Variants in CETP observed in about 807,000 individuals in gnomAD.
The protein encoded by CETP is BPI fold containing family F.
In CETP, 56 loss-of-function variants were observed where a neutral mutation model predicts 66.5. That is an observed-to-expected ratio of 0.84 (90% CI 0.68 to 1.05). The LOEUF (loss-of-function observed/expected upper bound fraction) is 1.05, where lower values mean the gene tolerates loss of function less well. Ranked by LOEUF, CETP falls within the 50% of genes least tolerant of loss-of-function variation. The pLI is 0.00. For missense variants in CETP, 612 were observed against 609.6 expected, an observed-to-expected ratio of 1.00 and a Z score of -0.04; for synonymous variants, 251 against 245.7, an observed-to-expected ratio of 1.02 and a Z score of -0.20.
chr16:56,977,948 G>T (rs1425182264), intron 10 of CETP, 143 bp from the exon 11 acceptor site: 1 of 875,462 alleles, frequency 1.1e-6, no homozygotes, highest in Admixed American at 2.7e-5. Flanking sequence ...GCACAGCCTG[G>T]GGCCTGGGCA....
Position 56,983,383 on chromosome 16 carries a change from T to G in CETP, c.1379T>G (p.Ile460Ser). 6.2e-7 allele frequency: 1 copy of G among 1,614,208 alleles called. No individual in the cohort carries two copies. Among genetic ancestry groups the G allele is most frequent in the Non-Finnish European group, 8.5e-7 (1 of 1,180,040 alleles). ...MNSKGVSLFD[I>S]INPEIITRDG... is the part of the protein sequence containing the mutation. ...AGCAAAGGCGTGAGCCTCTTCGACATCATCAACCCTGAGATTATCACTCGA... is the reference window on the plus strand; with the variant it reads ...AGCAAAGGCGTGAGCCTCTTCGACAGCATCAACCCTGAGATTATCACTCGA... Residue 460 changes from isoleucine (I) to serine (S), a missense_variant, in exon 15 of 16, where the codon ATC becomes AGC. Ile to Ser is a moderately radical substitution (Grantham distance 142, BLOSUM62 -2). Transcript: ENST00000200676.
chr16:56,965,318 T>C (rs1036473243), intron 2 of CETP, among the ~76,000 whole-genome samples: 5 of 152,224 alleles, frequency 3.3e-5, no homozygotes, highest in African/African-American at 1.2e-4. Context: ...CTATGATTGG[T>C]CATGATTAAT....
At position 56,972,057 on chromosome 16, in the gene CETP, G is replaced by A. The variant is rs1404536887; in HGVS notation, c.724G>A (p.Ala242Thr). Residue 242 changes from alanine (A) to threonine (T), a missense_variant, in exon 8 of 16, where the codon GCC (alanine) becomes ACC (threonine). Ala to Thr is a moderately conservative substitution (Grantham distance 58). Coordinates refer to ENST00000200676, the MANE Select transcript of CETP (RefSeq NM_000078.3). ...ISLTGDPVIT[A>T]SYLESHHKGH... The stretch of plus-strand genomic sequence containing the variant: ...CCTGACAGGTGATCCCGTCATCACA[G>A]CCTCCTACCTGGAGTCCCATCACAA... The A allele has an allele frequency of 6.2e-7, 1 of 1,613,974 alleles. No individual in the cohort carries two copies. Among genetic ancestry groups the A allele is most frequent in the African/African-American group, 1.3e-5 (1 of 74,924 alleles).
chr16:56,969,750 G>T lies in CETP; in HGVS notation c.439+69G>T. On this transcript the variant is annotated intron_variant, in intron 4 of 15. Transcript: ENST00000200676. The stretch of plus-strand genomic sequence containing the variant: ...GGGCTTGGCCTCAGCAGAGGGGGAG[G>T]TTGTGCAGGCAGAGGGTTCTGGGGC... The T allele has an allele frequency of 2.5e-6, 4 of 1,590,608 alleles. No individual in the cohort carries two copies. In the Admixed American group the frequency reaches 5.1e-5, roughly 20 times the overall value.
Position 56,978,174 on chromosome 16 carries a change from C to A in CETP, c.1065C>A (p.Val355=). ...MPKISCQNKG[V]VVNSSVMVKF... is the part of the protein sequence containing the mutation. ...AGATCTCCTGCCAAAACAAGGGAGT[C>A]GTGGTCAATTCTTCAGTGATGGTGA... The change falls in exon 11 of 16, where the codon GTC becomes GTA. Residue 355 remains valine (V), a synonymous_variant. Transcript: ENST00000200676. The A allele has an allele frequency of 6.2e-7, 1 of 1,614,232 alleles. No homozygotes were observed. Among genetic ancestry groups the A allele is most frequent in the Non-Finnish European group, 8.5e-7 (1 of 1,180,042 alleles).
intron 11 of CETP, 52 bp from the exon 12 acceptor site, chr16:56,981,106 C>T (rs2056183854): frequency 2.2e-6 from 3 of 1,383,516 alleles, no homozygotes; most frequent in East Asian, 4.6e-5. Flanking sequence ...GAGGGTTGCT[C>T]TCTGCTTCGG....
intron 2 of CETP, among the ~76,000 whole-genome samples, chr16:56,969,130 C>T (rs1163852945): frequency 6.6e-6 from 1 of 152,000 alleles, no homozygotes. Flanking sequence ...TTGGGACCAC[C>T]CAGATAACCT....
At chr16:56,980,621 T>G (rs563434241) in intron 11 of CETP, among the ~76,000 whole-genome samples, 94 of 152,260 alleles carry the variant, frequency 6.2e-4, no homozygotes, top group African/African-American at 2.1e-3. Flanking sequence ...ATTGAGCATT[T>G]GTTAAAAAAA....
At position 56,969,534 on chromosome 16, in the gene CETP, T is replaced by C; in HGVS notation, c.368+14T>C. The stretch of plus-strand genomic sequence containing the variant: ...CACTGCCTGGTGGTAAGCATTCCTG[T>C]CAGCTGATGCCCCATGCCCTGGCCC... On this transcript the variant is annotated intron_variant, in intron 3 of 15. Coordinates refer to ENST00000200676, the MANE Select transcript of CETP (RefSeq NM_000078.3). 1.2e-6 allele frequency: 2 copies of C among 1,614,236 alleles called. No individual in the cohort carries two copies. Among genetic ancestry groups the C allele is most frequent in the Non-Finnish European group, 1.7e-6 (2 of 1,180,038 alleles).
intron 9 of CETP, among the ~76,000 whole-genome samples, chr16:56,974,721 C>A (rs2056137374): frequency 6.6e-6 from 1 of 152,218 alleles, no homozygotes; most frequent in African/African-American, 2.4e-5. Context: ...AGGTGACTTA[C>A]TGAAGATCAC....
rs779930161 is a variant in CETP at position 56,973,411 on chromosome 16, G to A, written c.831G>A (p.Met277Ile). 1.2e-6 allele frequency: 2 copies of A among 1,614,224 alleles called. No homozygotes were observed. Among genetic ancestry groups the A allele is most frequent in the African/African-American group, 1.3e-5 (1 of 75,054 alleles). The change falls in exon 9 of 16, where the codon ATG becomes ATA. Residue 277 changes from methionine to isoleucine, a missense_variant. Physicochemically the swap from Met to Ile is conservative, Grantham distance 10. Coordinates refer to ENST00000200676, the MANE Select transcript of CETP (RefSeq NM_000078.3). The stretch of plus-strand genomic sequence containing the variant: ...CCACACTGCTGGGGGACTCCCGCAT[G>A]CTGTACTTCTGGTTCTCTGAGCGAG... ...FSPTLLGDSR[M>I]LYFWFSERVF...
At chr16:56,981,535 C>T in intron 12 of CETP, 112 bp from the exon 13 acceptor site, 1 of 1,278,568 alleles carries the variant, frequency 7.8e-7, no homozygotes, top group Non-Finnish European at 1.1e-6. Flanking sequence ...CCCCAAAGGG[C>T]CTGAGCTATG....
intron 10 of CETP, among the ~76,000 whole-genome samples, chr16:56,977,103 G>T (rs1325327547): frequency 6.6e-6 from 1 of 151,918 alleles, no homozygotes; most frequent in African/African-American, 2.4e-5. Context: ...TAGAGACGGG[G>T]TTTCACCATG....
chr16:56,966,255 TC>T (rs1390126745), intron 2 of CETP, among the ~76,000 whole-genome samples: 3 of 152,142 alleles, frequency 2.0e-5, no homozygotes, highest in African/African-American at 7.2e-5. Flanking sequence ...TCTAGAGGCT[TC>T]CCCCATTCCT....
intron 11 of CETP, 65 bp downstream of exon 11, chr16:56,978,320 AGGGG>A: frequency 6.2e-7 from 1 of 1,602,234 alleles, no homozygotes; most frequent in Non-Finnish European, 8.5e-7. Flanking sequence ...CGCAGAGGGC[AGGGG>A]CCTGGGGGTC....
intron 2 of CETP, among the ~76,000 whole-genome samples, chr16:56,965,706 T>A (rs546651728): frequency 6.6e-6 from 1 of 152,274 alleles, no homozygotes; most frequent in Non-Finnish European, 1.5e-5. Context: ...TATTGTGTCA[T>A]ATTCCATGTG....
chr16:56,983,721 A>G lies in CETP; in HGVS notation c.*55A>G, dbSNP rs537329160. The G allele has an allele frequency of 2.6e-6, 4 of 1,516,842 alleles. No individual in the cohort carries two copies. Among genetic ancestry groups the G allele is most frequent in the East Asian group, 4.5e-5 (2 of 44,386 alleles). The allele number at this position is 1,516,842 out of a possible 1,614,324, so 94.0% of individuals were successfully genotyped here. Reference sequence around the variant, plus strand: ...GTAGCAGAAGGCAAGCACCAGGCTCACAGCTGGAACCCTGGTGTCTCCTCC... The same window carrying G: ...GTAGCAGAAGGCAAGCACCAGGCTCGCAGCTGGAACCCTGGTGTCTCCTCC... On this transcript the variant is annotated 3_prime_UTR_variant, in exon 16 of 16. Coordinates refer to ENST00000200676, the MANE Select transcript of CETP (RefSeq NM_000078.3).
intron 1 of CETP, chr16:56,962,505 G>A (rs374505474): frequency 3.1e-4 from 130 of 414,014 alleles, no homozygotes; most frequent in African/African-American, 2.1e-3. Context: ...CTCAGGTGAC[G>A]GAGGCTCCAT....
rs1183067207 is a variant in CETP at position 56,972,047 on chromosome 16, C to T, written c.714C>T (p.Pro238=). The T allele has an allele frequency of 1.4e-5, 22 of 1,613,994 alleles. No individual in the cohort carries two copies. The highest frequency in any genetic ancestry group is 6.7e-5 in the African/African-American group (5 of 74,892). ...IGVDISLTGD[P]VITASYLESH... ...TGGACATTTCCCTGACAGGTGATCCCGTCATCACAGCCTCCTACCTGGAGT... is the reference window on the plus strand; with the variant it reads ...TGGACATTTCCCTGACAGGTGATCCTGTCATCACAGCCTCCTACCTGGAGT... Residue 238 remains proline, a synonymous_variant, in exon 8 of 16, where the codon CCC becomes CCT. Coordinates refer to ENST00000200676, the MANE Select transcript of CETP (RefSeq NM_000078.3).
Sources: allele counts gnomAD v4.1 joint callset (sites outside exome capture counted in the v4.1 genomes callset), GRCh38; gene constraint gnomAD v4.1.1; transcripts MANE v1.5; gene names NCBI Gene and HGNC (gene_info 2026-07-23, HGNC 2026-07-21).